The following POLH variants were observed in gnomAD, a reference collection of about 807,000 sequenced individuals.
The protein encoded by POLH is DNA polymerase eta transcript.
In POLH, 53 loss-of-function variants were observed where a neutral mutation model predicts 73.6. That is an observed-to-expected ratio of 0.72 (90% CI 0.58 to 0.91). The LOEUF (loss-of-function observed/expected upper bound fraction) is 0.91. Ranked by LOEUF, POLH falls within the 40% of genes least tolerant of loss-of-function variation. The pLI, the probability that POLH is intolerant of heterozygous loss-of-function variation, is 0.00. For missense variants in POLH, 768 were observed against 865.4 expected, an observed-to-expected ratio of 0.89 and a Z score of 1.41; for synonymous variants, 292 against 308.5, an observed-to-expected ratio of 0.95 and a Z score of 0.56.
intron 1 of POLH, among the ~76,000 whole-genome samples, chr6:43,577,689 C>T: frequency 6.6e-6 from 1 of 151,706 alleles, no homozygotes; most frequent in East Asian, 1.9e-4. Context: ...AACTGTATAA[C>T]CTGTGTTTCT....
chr6:43,614,208 C>A lies in POLH; in HGVS notation c.1793C>A (p.Ala598Asp). 6.2e-7 allele frequency: 1 copy of A among 1,612,644 alleles called. No individual in the cohort carries two copies. The highest frequency in any genetic ancestry group is 8.5e-7 in the Non-Finnish European group (1 of 1,178,788). The change falls in exon 11 of 11, where the codon GCC becomes GAC. Residue 598 changes from alanine (A) to aspartate (D), a missense_variant. By Grantham distance (126) the Ala-to-Asp change is moderately radical. Transcript: ENST00000372236. ...SKATPAEMDL[A>D]HNSQSMHASS... ...GCAACTCCTGCAGAGATGGATTTGG[C>A]CCACAACAGCCAAAGCATGCACGCC...
At chr6:43,603,451 A>C (rs1345156090) in intron 6 of POLH, among the ~76,000 whole-genome samples, 1 of 151,652 alleles carries the variant, frequency 6.6e-6, no homozygotes, top group Non-Finnish European at 1.5e-5. Flanking sequence ...TTGTAGAGTT[A>C]GGGTCTTACT....
At position 43,614,292 on chromosome 6, in the gene POLH, T is replaced by G. The variant is rs1345448743; in HGVS notation, c.1877T>G (p.Leu626Arg). The change falls in exon 11 of 11, where the codon CTT becomes CGT. Residue 626 changes from leucine (L) to arginine (R), a missense_variant. Leu to Arg is a moderately radical substitution (Grantham distance 102). Coordinates refer to ENST00000372236, the MANE Select transcript of POLH (RefSeq NM_006502.3). ...CAGAAAGCAACCCCAAATCCAAGTC[T>G]TCTAGCTGCTGAGGACCAAGTGCCC... ...VTQKATPNPS[L>R]LAAEDQVPCE... is the part of the protein sequence containing the mutation. The G allele has an allele frequency of 6.3e-7, 1 of 1,599,216 alleles. No homozygotes were observed. The highest frequency in any genetic ancestry group is 2.2e-5 in the East Asian group (1 of 44,640).
intron 3 of POLH, among the ~76,000 whole-genome samples, chr6:43,585,156 A>AAAGAAG (rs1764661545): frequency 6.6e-6 from 1 of 152,132 alleles, no homozygotes; most frequent in African/African-American, 2.4e-5. Context: ...ATCCTGTCAA[A>AAAGAAG]AAGAAGATGA....
rs528422622 is a variant in POLH, at chr6:43,606,259, C to A, written c.1074+940C>A. 1.8e-4 allele frequency among the ~76,000 whole-genome samples: 28 copies of A among 152,150 alleles called. 1 individual carries two copies. The South Asian group carries it at 4.1e-3, about 23-fold the overall frequency. ...TAGCTCAATAGACTTGTTCACCCTA[C>A]GTGTCTGCTACTTTATATCCTTTTA... On this transcript the variant is annotated intron_variant, in intron 9 of 10. Coordinates refer to ENST00000372236, the MANE Select transcript of POLH (RefSeq NM_006502.3).
At chr6:43,585,637 CTTT>C (rs1208848737) in intron 3 of POLH, among the ~76,000 whole-genome samples, 4 of 107,420 alleles carry the variant, frequency 3.7e-5, no homozygotes, top group Admixed American at 8.6e-5. Context: ...TCTTTCTTTT[CTTT>C]TTTTTTTTTT....
chr6:43,619,068 T>C lies in POLH; in HGVS notation c.*4511T>C, dbSNP rs572839059. On this transcript the variant is annotated 3_prime_UTR_variant, in exon 11 of 11. Transcript: ENST00000372236. ...AAAATATTTTCTGCTTTTATGATACTTGAATATCTAATAAAAGACAATATT... is the reference window on the plus strand; with the variant it reads ...AAAATATTTTCTGCTTTTATGATACCTGAATATCTAATAAAAGACAATATT... Among the ~76,000 whole-genome samples, 24 of 152,210 alleles carry C rather than the reference T, an allele frequency of 1.6e-4. No individual in the cohort carries two copies. Among genetic ancestry groups the C allele is most frequent in the Non-Finnish European group, 3.2e-4 (22 of 68,010 alleles).
chr6:43,606,527 C>T (rs1337615049), intron 9 of POLH, among the ~76,000 whole-genome samples: 1 of 152,058 alleles, frequency 6.6e-6, no homozygotes, highest in African/African-American at 2.4e-5. Flanking sequence ...CTCCCAAATT[C>T]AAGCGATTCT....
chr6:43,582,701 G>T (rs1188631427), intron 2 of POLH, among the ~76,000 whole-genome samples: 1 of 152,064 alleles, frequency 6.6e-6, no homozygotes, highest in African/African-American at 2.4e-5. Flanking sequence ...TTTATTTTTT[G>T]GGGGGTGGGT....
intron 6 of POLH, 22 bp downstream of exon 6, chr6:43,601,113 T>G (rs1294998804): frequency 6.8e-7 from 1 of 1,472,048 alleles, no homozygotes; most frequent in East Asian, 2.3e-5. Flanking sequence ...GGCAGCATGT[T>G]AAATTTCACT....
intron 5 of POLH, 142 bp from the exon 6 acceptor site, chr6:43,600,846 C>G (rs1396173931): frequency 4.2e-6 from 3 of 706,584 alleles, no homozygotes; most frequent in Non-Finnish European, 7.8e-6. Context: ...TCTTGAGTTT[C>G]TGGTTTTATT....
At chr6:43,610,151 T>A (rs550054963) in intron 9 of POLH, among the ~76,000 whole-genome samples, 1 of 142,520 alleles carries the variant, frequency 7.0e-6, no homozygotes, top group African/African-American at 2.6e-5. Flanking sequence ...AACCTCTGCC[T>A]CCCAGGTTCA....
intron 4 of POLH, among the ~76,000 whole-genome samples, chr6:43,590,513 G>A (rs554879982): frequency 2.1e-4 from 32 of 151,868 alleles, no homozygotes; most frequent in African/African-American, 7.7e-4. Context: ...CCAGGCTGGA[G>A]TGCAGTGGCG....
intron 3 of POLH, among the ~76,000 whole-genome samples, 166 bp from the exon 4 acceptor site, chr6:43,587,104 CAT>C (rs1436812621): frequency 6.6e-6 from 1 of 152,054 alleles, no homozygotes; most frequent in Non-Finnish European, 1.5e-5. Flanking sequence ...TATTATTGAC[CAT>C]CTGCCTGCCG....
rs1222513411 is a variant in POLH, at chr6:43,576,267, C to T, written c.-178C>T. 2.4e-5 allele frequency: 4 copies of T among 163,978 alleles called. No individual in the cohort carries two copies. The highest frequency in any genetic ancestry group is 4.8e-5 in the African/African-American group (2 of 41,816). 10.2% of individuals were successfully genotyped at this position (163,978 alleles called of 1,614,324 possible). ...TTGCCCGGGCAGGATCCTTTACGAT[C>T]CCTTCTCGGTTTCTCCGTCGTCACA... On this transcript the variant is annotated 5_prime_UTR_variant, in exon 1 of 11. Transcript: ENST00000372236.
rs762996471 is a variant in POLH at position 43,587,262 on chromosome 6, T to A, written c.273-10T>A. On this transcript the variant is annotated splice_polypyrimidine_tract_variant and intron_variant, in intron 3 of 10. Transcript: ENST00000372236. Reference sequence around the variant, plus strand: ...TTATTGCCTGCATGAATGATCCTTATACTTCTTAGGTACCGGGAAGCCAGT... The same window carrying A: ...TTATTGCCTGCATGAATGATCCTTAAACTTCTTAGGTACCGGGAAGCCAGT... 10 of 1,607,506 alleles carry A rather than the reference T, an allele frequency of 6.2e-6. No individual in the cohort carries two copies. The East Asian group carries it at 2.2e-4, about 36-fold the overall frequency.
In POLH at chr6:43,614,363, C is replaced by G. The variant is rs1214339485; in HGVS notation, c.1948C>G (p.His650Asp). ...GGTACCGGTATGGGATATGCCAGAA[C>G]ACATGGACTATCATTTTGCATTGGA... ...SLVPVWDMPE[H>D]MDYHFALELQ... The change falls in exon 11 of 11, where the codon CAC (histidine) becomes GAC (aspartate). Residue 650 changes from histidine to aspartate, a missense_variant. By Grantham distance (81) the His-to-Asp change is moderately conservative. Coordinates refer to ENST00000372236, the MANE Select transcript of POLH (RefSeq NM_006502.3). 6.2e-7 allele frequency: 1 copy of G among 1,613,780 alleles called. No individual in the cohort carries two copies. The highest frequency in any genetic ancestry group is 1.7e-5 in the Admixed American group (1 of 60,016).
At chr6:43,590,162 GC>G (rs1374987836) in intron 4 of POLH, among the ~76,000 whole-genome samples, 8 of 151,844 alleles carry the variant, frequency 5.3e-5, no homozygotes, top group Non-Finnish European at 1.0e-4. Context: ...TTCAAGACCA[GC>G]CTGGCCAAGA....
intron 3 of POLH, among the ~76,000 whole-genome samples, chr6:43,583,617 A>G (rs898299119): frequency 6.6e-6 from 1 of 152,180 alleles, no homozygotes; most frequent in African/African-American, 2.4e-5. Context: ...TTCACCTTGG[A>G]ATGGGGGATA....
Sources: gnomAD v4.1 joint callset for allele counts (sites outside exome capture counted in the v4.1 genomes callset) on GRCh38, gnomAD v4.1.1 for gene constraint, MANE v1.5 for transcripts, NCBI Gene and HGNC (gene_info 2026-07-23, HGNC 2026-07-21) for gene names.